The following RDX variants were observed in gnomAD, a reference collection of about 807,000 sequenced individuals.
RDX encodes radixin.
In RDX, 32 loss-of-function variants were observed where a neutral mutation model predicts 83.7. The observed-to-expected ratio is 0.38, with a 90% confidence interval of 0.29 to 0.51. The LOEUF (loss-of-function observed/expected upper bound fraction) is 0.51, where lower values mean the gene tolerates loss of function less well. Among genes scored for constraint, RDX ranks in the 20% least tolerant of loss-of-function variants. The probability of loss-of-function intolerance (pLI) is 0.87; values close to 1 mark genes in which losing one functional copy is unlikely to be tolerated. For synonymous variants in RDX, 229 were observed against 222.7 expected, an observed-to-expected ratio of 1.03 and a Z score of -0.25; for missense variants, 600 against 689.9, an observed-to-expected ratio of 0.87 and a Z score of 1.46.
chr11:110,192,576 A>G (rs1863123678), intron 15 of RDX, among the ~76,000 whole-genome samples: 1 of 152,232 alleles, frequency 6.6e-6, no homozygotes, highest in South Asian at 2.1e-4. Flanking sequence ...GAGTAAGCAG[A>G]CAATCTGCAG....
chr11:110,179,179 C>A (rs943874597), intron 15 of RDX, among the ~76,000 whole-genome samples: 1 of 152,172 alleles, frequency 6.6e-6, no homozygotes, highest in African/African-American at 2.4e-5. Context: ...GGAACTGATG[C>A]CAGACACATT....
chr11:110,237,780 T>A (rs753725651), intron 10 of RDX, 128 bp from the exon 11 acceptor site: 2 of 1,022,640 alleles, frequency 2.0e-6, no homozygotes, highest in Non-Finnish European at 3.1e-6. Context: ...TGTAAATACA[T>A]ATATACCTCT....
intron 14 of RDX, among the ~76,000 whole-genome samples, chr11:110,201,903 T>TTGTGTGTGTGTGTGTGTGTGTGTGTG (rs141731309): frequency 7.3e-6 from 1 of 137,220 alleles, no homozygotes; most frequent in Non-Finnish European, 1.6e-5. Flanking sequence ...CCGGCTAATT[T>TTGTGTGTGTGTGTGTGTGTGTGTGTG]TGTGTGTGTG....
intron 2 of RDX, among the ~76,000 whole-genome samples, chr11:110,278,366 G>A (rs560246772): frequency 6.6e-5 from 10 of 152,022 alleles, no homozygotes; most frequent in South Asian, 2.1e-4. Context: ...TTTCATTTAC[G>A]AACACTTTTA....
intron 15 of RDX, chr11:110,196,305 C>A (rs1314329868): frequency 1.3e-5 from 2 of 152,138 alleles, no homozygotes; most frequent in East Asian, 3.8e-4. Flanking sequence ...AACATTTAGT[C>A]ATGGTTAGTT....
At chr11:110,283,162 T>C (rs1424263765) in intron 1 of RDX, among the ~76,000 whole-genome samples, 2 of 151,348 alleles carry the variant, frequency 1.3e-5, no homozygotes, top group Non-Finnish European at 1.5e-5. Flanking sequence ...AACTAATTTC[T>C]TTTTTTTTGG....
chr11:110,253,544 A>G (rs1859420157), intron 9 of RDX, among the ~76,000 whole-genome samples: 1 of 152,200 alleles, frequency 6.6e-6, no homozygotes, highest in African/African-American at 2.4e-5. Flanking sequence ...ATGTTACCCT[A>G]CTTGGCACAG....
intron 15 of RDX, among the ~76,000 whole-genome samples, chr11:110,198,912 T>A (rs1432136526): frequency 6.6e-6 from 1 of 152,028 alleles, no homozygotes; most frequent in African/African-American, 2.4e-5. Context: ...GCCTCCTGGA[T>A]TCAAGCAATT....
chr11:110,262,250 T>C (rs1037154850), intron 5 of RDX, among the ~76,000 whole-genome samples: 2 of 152,170 alleles, frequency 1.3e-5, no homozygotes, highest in Non-Finnish European at 2.9e-5. Context: ...AGGTGACTAC[T>C]ATTGCTACAA....
At chr11:110,269,699 G>A (rs115420073) in intron 3 of RDX, among the ~76,000 whole-genome samples, 4,549 of 152,184 alleles carry the variant, frequency 0.03, 129 homozygotes, top group East Asian at 0.075. Flanking sequence ...ATAGAACAGG[G>A]ACTAAAGAAC....
At chr11:110,212,244 A>C (rs1241360433) in intron 14 of RDX, among the ~76,000 whole-genome samples, 2 of 152,200 alleles carry the variant, frequency 1.3e-5, no homozygotes, top group Non-Finnish European at 2.9e-5. Flanking sequence ...GAAGAAATGG[A>C]TAAATTCCTG....
chr11:110,197,373 T>C (rs1310044149), intron 15 of RDX, among the ~76,000 whole-genome samples: 3 of 152,178 alleles, frequency 2.0e-5, no homozygotes, highest in Admixed American at 2.0e-4. Context: ...AATAATTTTA[T>C]AATCAACTAT....
At chr11:110,263,809 A>C in intron 5 of RDX, 151 bp downstream of exon 5, 1 of 653,966 alleles carries the variant, frequency 1.5e-6, no homozygotes, top group Admixed American at 2.9e-5. Flanking sequence ...CAGAGGTTGC[A>C]GTGGGCTGAG....
intron 9 of RDX, among the ~76,000 whole-genome samples, chr11:110,249,157 G>C (rs1402510439): frequency 6.6e-6 from 1 of 152,082 alleles, no homozygotes; most frequent in Non-Finnish European, 1.5e-5. Context: ...AGACAATATT[G>C]TTTACTTAAG....
chr11:110,253,810 A>G, intron 9 of RDX, 136 bp downstream of exon 9: 1 of 769,880 alleles, frequency 1.3e-6, no homozygotes, highest in Non-Finnish European at 2.1e-6. Flanking sequence ...ACAGAGTGAT[A>G]ATACTGTCTT....
At chr11:110,180,175 T>G (rs139517540) in intron 15 of RDX, among the ~76,000 whole-genome samples, 1,751 of 152,270 alleles carry the variant, frequency 0.011, 39 homozygotes, top group African/African-American at 0.04. Context: ...GTGCTGAGAT[T>G]ACAGGCATGA....
At chr11:110,243,736 T>C (rs755430292) in intron 10 of RDX, among the ~76,000 whole-genome samples, 10 of 151,342 alleles carry the variant, frequency 6.6e-5, no homozygotes, top group Non-Finnish European at 1.0e-4. Context: ...AAAAAATACA[T>C]GCAATATAAA....
chr11:110,290,258 C>T (rs917856104), intron 1 of RDX, among the ~76,000 whole-genome samples: 3 of 152,138 alleles, frequency 2.0e-5, no homozygotes, highest in East Asian at 3.9e-4. Context: ...GGTGTGGTGG[C>T]TCACGCCTGT....
rs774459596 is a variant in RDX at position 110,237,601 on chromosome 11, C to G, written c.1142G>C (p.Arg381Pro). Reference sequence around the variant, plus strand: ...AAGTCGTTCTGCTTCTTCTTTTGCTCGTTTTCGTTCTTGATCCAGTTCTAG... The same window carrying G: ...AAGTCGTTCTGCTTCTTCTTTTGCTGGTTTTCGTTCTTGATCCAGTTCTAG... ...KALELDQERK[R>P]AKEEAERLEK... The change falls in exon 11 of 14, where the codon CGA becomes CCA. Residue 381 changes from arginine (R) to proline (P), a missense_variant. Arg to Pro is a moderately radical substitution (Grantham distance 103, BLOSUM62 -2). Transcript: ENST00000645495. The G allele has an allele frequency of 1.2e-6, 2 of 1,614,134 alleles. No homozygotes were observed. The highest frequency in any genetic ancestry group is 8.5e-7 in the Non-Finnish European group (1 of 1,180,022).
Sources: gnomAD v4.1 joint callset for allele counts (sites outside exome capture counted in the v4.1 genomes callset) on GRCh38, gnomAD v4.1.1 for gene constraint, MANE v1.5 for transcripts, NCBI Gene and HGNC (gene_info 2026-07-23, HGNC 2026-07-21) for gene names.